Variants in INPP4B observed in about 807,000 individuals in gnomAD.
The protein encoded by INPP4B is inositol polyphosphate 4-phosphatase type II.
Under a neutral mutation model 122.5 loss-of-function variants are expected in INPP4B, and 55 were observed. The ratio of observed to expected loss-of-function variants is 0.45; its 90% confidence interval spans 0.36 to 0.56. The LOEUF (loss-of-function observed/expected upper bound fraction) is 0.56, where lower values mean the gene tolerates loss of function less well. INPP4B is among the 20% of genes least tolerant of loss of function. INPP4B has a pLI of 0.00. For synonymous variants in INPP4B, 403 were observed against 388.7 expected, an observed-to-expected ratio of 1.04 and a Z score of -0.43; for missense variants, 1,000 against 1,097.7, an observed-to-expected ratio of 0.91 and a Z score of 1.26.
At chr4:142,081,980 A>G (rs1443454191) in intron 25 of INPP4B, 51 bp downstream of exon 25, 1 of 1,290,732 alleles carries the variant, frequency 7.7e-7, no homozygotes, top group East Asian at 2.5e-5. Flanking sequence ...AAAAATAAAA[A>G]CAACTCAAAA....
intron 2 of INPP4B, among the ~76,000 whole-genome samples, chr4:142,487,686 G>A (rs1356989114): frequency 6.6e-6 from 1 of 152,066 alleles, no homozygotes; most frequent in African/African-American, 2.4e-5. Context: ...TTTTACGTTT[G>A]GGGGATGTTA....
chr4:142,731,598 C>T (rs941830861), intron 1 of INPP4B, among the ~76,000 whole-genome samples: 16 of 152,052 alleles, frequency 1.1e-4, no homozygotes, highest in African/African-American at 2.7e-4. Context: ...CTACCTCAGG[C>T]TCAAGAGCAT....
At chr4:142,404,177 A>G (rs1003694367) in intron 6 of INPP4B, among the ~76,000 whole-genome samples, 3 of 152,186 alleles carry the variant, frequency 2.0e-5, no homozygotes, top group Non-Finnish European at 4.4e-5. Context: ...TGGAACCTAA[A>G]GTTTCCAAAG....
intron 5 of INPP4B, among the ~76,000 whole-genome samples, chr4:142,408,030 A>G (rs1000575426): frequency 2.0e-5 from 3 of 152,214 alleles, no homozygotes; most frequent in Admixed American, 6.5e-5. Context: ...TACCAGGTCC[A>G]ATATTTCTTC....
intron 1 of INPP4B, among the ~76,000 whole-genome samples, chr4:142,745,435 T>C (rs1768567647): frequency 6.6e-6 from 1 of 151,812 alleles, no homozygotes; most frequent in South Asian, 2.1e-4. Flanking sequence ...TCGTAAATAT[T>C]TGTGGAAAAA....
At chr4:142,037,074 C>T (rs1385975818) in intron 25 of INPP4B, among the ~76,000 whole-genome samples, 2 of 152,144 alleles carry the variant, frequency 1.3e-5, no homozygotes, top group African/African-American at 2.4e-5. Context: ...TTGGCCATCA[C>T]CGTGGAAGCA....
At chr4:142,086,360 T>G in intron 23 of INPP4B, 104 bp from the exon 24 acceptor site, 1 of 678,412 alleles carries the variant, frequency 1.5e-6, no homozygotes, top group Non-Finnish European at 2.6e-6. Flanking sequence ...ACAACTTTTC[T>G]TTTAGGCAGG....
intron 2 of INPP4B, among the ~76,000 whole-genome samples, chr4:142,561,595 A>T (rs1337067835): frequency 6.6e-6 from 1 of 151,908 alleles, no homozygotes; most frequent in Non-Finnish European, 1.5e-5. Context: ...ATATTTTTGT[A>T]TTTTTAGTAG....
intron 2 of INPP4B, among the ~76,000 whole-genome samples, chr4:142,606,851 G>C (rs1741376906): frequency 6.6e-6 from 1 of 151,942 alleles, no homozygotes; most frequent in South Asian, 2.1e-4. Flanking sequence ...TTAAGCATTT[G>C]AAAATCAAAG....
At chr4:142,170,317 A>G (rs917712949) in intron 16 of INPP4B, among the ~76,000 whole-genome samples, 3 of 151,818 alleles carry the variant, frequency 2.0e-5, no homozygotes, top group African/African-American at 7.2e-5. Context: ...TGTTAAAATT[A>G]TGATACAATT....
At chr4:142,674,429 A>G (rs1220126595) in intron 2 of INPP4B, among the ~76,000 whole-genome samples, 1 of 152,080 alleles carries the variant, frequency 6.6e-6, no homozygotes, top group Non-Finnish European at 1.5e-5. Flanking sequence ...AAAAAACCAT[A>G]AGTGTTTAGA....
In INPP4B at chr4:142,405,251, G is replaced by A. The variant is rs144626729; in HGVS notation, c.210C>T (p.Pro70=). 30 of 1,612,744 alleles carry A rather than the reference G, an allele frequency of 1.9e-5. No homozygotes were observed. The East Asian group carries it at 6.2e-4, about 34-fold the overall frequency. Reference sequence around the variant, plus strand: ...AGTATCTTGTCAGACTCTGCTCCACGGGGTGGATTACGGAGATCTGCACCA... The same window carrying A: ...AGTATCTTGTCAGACTCTGCTCCACAGGGTGGATTACGGAGATCTGCACCA... The part of the protein sequence containing the change: ...NTLVQISVIH[P]VEQSLTRYSS... Residue 70 remains proline, a synonymous_variant, in exon 6 of 26, where the codon CCC becomes CCT. Transcript: ENST00000262992.
At chr4:142,436,422 A>C (rs1272297871) in intron 3 of INPP4B, among the ~76,000 whole-genome samples, 1 of 152,052 alleles carries the variant, frequency 6.6e-6, no homozygotes, top group East Asian at 1.9e-4. Context: ...TGCTTTGTTA[A>C]ATGGGTCCTG....
chr4:142,354,782 C>T (rs527834558), intron 7 of INPP4B, among the ~76,000 whole-genome samples: 91 of 152,114 alleles, frequency 6.0e-4, no homozygotes, highest in Non-Finnish European at 1.1e-3. Context: ...ATTCTGCCTT[C>T]GCATATTCCA....
At chr4:142,109,793 C>G (rs1789079792) in intron 22 of INPP4B, among the ~76,000 whole-genome samples, 1 of 152,098 alleles carries the variant, frequency 6.6e-6, no homozygotes. Context: ...GTTGACTTGT[C>G]TTCCTCACTG....
intron 25 of INPP4B, among the ~76,000 whole-genome samples, chr4:142,078,635 T>C (rs952470635): frequency 1.3e-5 from 2 of 152,020 alleles, no homozygotes; most frequent in African/African-American, 4.8e-5. Flanking sequence ...TTTATTTACT[T>C]TCATTTATAT....
At chr4:142,586,727 G>C (rs1736289071) in intron 2 of INPP4B, among the ~76,000 whole-genome samples, 1 of 152,096 alleles carries the variant, frequency 6.6e-6, no homozygotes, top group African/African-American at 2.4e-5. Context: ...AAAGTATATA[G>C]AAGAGGCATT....
chr4:142,458,410 A>G (rs979382514), intron 3 of INPP4B, among the ~76,000 whole-genome samples: 1 of 152,166 alleles, frequency 6.6e-6, no homozygotes, highest in Non-Finnish European at 1.5e-5. Context: ...CCAAAAGGTG[A>G]AAAATTTACT....
At chr4:142,235,173 C>T (rs1304748387) in intron 12 of INPP4B, among the ~76,000 whole-genome samples, 2 of 152,088 alleles carry the variant, frequency 1.3e-5, no homozygotes, top group African/African-American at 2.4e-5. Context: ...GACAGCGGCT[C>T]ATCCTTTAAG....
Sources: allele counts gnomAD v4.1 joint callset (sites outside exome capture counted in the v4.1 genomes callset), GRCh38; gene constraint gnomAD v4.1.1; transcripts MANE v1.5; gene names NCBI Gene and HGNC (gene_info 2026-07-23, HGNC 2026-07-21).